The following NCOR2 variants were observed in gnomAD, a reference collection of about 807,000 sequenced individuals.
The protein encoded by NCOR2 is nuclear receptor corepressor 2.
NCOR2 carries 81 observed loss-of-function variants against 262.9 expected under a neutral mutation model. The ratio of observed to expected loss-of-function variants is 0.31; its 90% CI spans 0.26 to 0.37. The LOEUF (loss-of-function observed/expected upper bound fraction) is 0.37. NCOR2 is among the 10% of genes least tolerant of loss of function. The pLI is 1.00. For synonymous variants in NCOR2, 1,659 were observed against 1,559.3 expected, an observed-to-expected ratio of 1.06 and a Z score of -1.51; for missense variants, 3,385 against 3,621.4, an observed-to-expected ratio of 0.93 and a Z score of 1.68.
intron 13 of NCOR2, among the ~76,000 whole-genome samples, chr12:124,411,268 A>ACG (rs1425440557): frequency 6.6e-6 from 1 of 152,020 alleles, no homozygotes; most frequent in Admixed American, 6.6e-5. Context: ...GCGCGCATAC[A>ACG]CACACAGAGA....
rs191350957 is a variant in NCOR2 at position 124,504,157 on chromosome 12, G to A, written c.-117-8789C>T. 4.6e-5 allele frequency among the ~76,000 whole-genome samples: 7 copies of A among 152,352 alleles called. No individual in the cohort carries two copies. Among genetic ancestry groups the A allele is most frequent in the Non-Finnish European group, 8.8e-5 (6 of 68,042 alleles). Reference sequence around the variant, plus strand: ...ATCTTCCCCTTGAGCTGGGTTCGAGGAGAAAGGCCGAGAGGACTCCAGCCT... The same window carrying A: ...ATCTTCCCCTTGAGCTGGGTTCGAGAAGAAAGGCCGAGAGGACTCCAGCCT... On this transcript the variant is annotated intron_variant, in intron 1 of 46. Transcript: ENST00000404621. The surrounding 1 kb of genome is among the most constrained non-coding windows in gnomAD (Gnocchi z 4.5).
At chr12:124,501,720 T>A (rs983185891) in intron 1 of NCOR2, among the ~76,000 whole-genome samples, 1 of 152,196 alleles carries the variant, frequency 6.6e-6, no homozygotes, top group African/African-American at 2.4e-5. Flanking sequence ...ACTAATGTGA[T>A]CTGCAAAAAC....
Position 124,495,083 on chromosome 12 carries a change from A to T in NCOR2, c.105+64T>A. On this transcript the variant is annotated intron_variant, in intron 1 of 46. Transcript: ENST00000405201. The surrounding 1 kb of genome is among the most constrained non-coding windows in gnomAD (Gnocchi z 4.4). ...TCCCAGGAGAAAGGAAGGGGTGAAGACTCAGTGGAATGGAAGAAGGGTCTC... is the reference window on the plus strand; with the variant it reads ...TCCCAGGAGAAAGGAAGGGGTGAAGTCTCAGTGGAATGGAAGAAGGGTCTC... The T allele has an allele frequency of 5.7e-6, 9 of 1,575,478 alleles. No homozygotes were observed. Among genetic ancestry groups the T allele is most frequent in the Non-Finnish European group, 7.8e-6 (9 of 1,157,496 alleles).
intron 1 of NCOR2, among the ~76,000 whole-genome samples, chr12:124,550,872 C>T (rs1395123181): frequency 6.6e-6 from 1 of 152,202 alleles, no homozygotes. Context: ...CACCCAGGCA[C>T]CCAGAGGTGC....
intron 17 of NCOR2, chr12:124,383,574 G>C (rs2040570052): frequency 6.9e-6 from 2 of 290,992 alleles, no homozygotes; most frequent in African/African-American, 2.2e-5. Context: ...CCCTGAGAAG[G>C]GGGTAGATGG....
intron 1 of NCOR2, among the ~76,000 whole-genome samples, chr12:124,509,879 C>CA (rs950124341): frequency 6.6e-6 from 1 of 152,194 alleles, no homozygotes; most frequent in Non-Finnish European, 1.5e-5. Context: ...GGCCGCCCCC[C>CA]ACAGTAACCT....
chr12:124,490,484 A>G (rs920864373), intron 1 of NCOR2, among the ~76,000 whole-genome samples: 3 of 151,738 alleles, frequency 2.0e-5, no homozygotes, highest in African/African-American at 7.3e-5. Flanking sequence ...GGGAGCTCCC[A>G]ATGAATGAAT....
chr12:124,472,706 C>T (rs1477438848), intron 4 of NCOR2, among the ~76,000 whole-genome samples: 1 of 152,178 alleles, frequency 6.6e-6, no homozygotes, highest in Non-Finnish European at 1.5e-5. Flanking sequence ...AAATCAGTTC[C>T]TCAGTCGCAG....
intron 17 of NCOR2, among the ~76,000 whole-genome samples, chr12:124,379,251 G>A (rs540682545): frequency 2.0e-5 from 3 of 152,190 alleles, no homozygotes; most frequent in East Asian, 1.9e-4. Context: ...CACTTTCCCC[G>A]CACCGCACCC....
chr12:124,333,865 T>TGC (rs569749160), intron 41 of NCOR2, among the ~76,000 whole-genome samples: 1,765 of 143,238 alleles, frequency 0.012, 81 homozygotes, highest in African/African-American at 0.038. Flanking sequence ...CATGTGTGTG[T>TGC]GCGCATGTGT....
chr12:124,339,186 A>T (rs1166981440), intron 37 of NCOR2, among the ~76,000 whole-genome samples: 1 of 137,694 alleles, frequency 7.3e-6, no homozygotes, highest in Non-Finnish European at 1.5e-5. Flanking sequence ...CCTCTTACCC[A>T]CCCATCTACC....
At chr12:124,475,800 G>C (rs940599831) in intron 3 of NCOR2, among the ~76,000 whole-genome samples, 1 of 152,210 alleles carries the variant, frequency 6.6e-6, no homozygotes, top group African/African-American at 2.4e-5. Context: ...CTTGAAGGGG[G>C]AGGCTGCAGG....
intron 38 of NCOR2, 31 bp downstream of exon 40, chr12:124,336,722 A>T (rs771931768): frequency 1.9e-6 from 3 of 1,609,510 alleles, no homozygotes; most frequent in African/African-American, 1.3e-5. Context: ...AATCGCGTCT[A>T]TGAAGGTGGC....
intron 1 of NCOR2, among the ~76,000 whole-genome samples, chr12:124,532,001 T>C (rs2050816706): frequency 6.6e-6 from 1 of 151,320 alleles, no homozygotes; most frequent in Non-Finnish European, 1.5e-5. Flanking sequence ...CAGGGAAGAG[T>C]GTACCGCTGG....
chr12:124,324,497 T>A (rs2034497034), exon 47 of NCOR2: 1 of 152,244 alleles, frequency 6.6e-6, no homozygotes, highest in East Asian at 1.9e-4. Context: ...GGCCACAGAA[T>A]ACGCATCGAA....
At chr12:124,529,054 C>T (rs1051311360) in intron 1 of NCOR2, among the ~76,000 whole-genome samples, 2 of 151,946 alleles carry the variant, frequency 1.3e-5, no homozygotes, top group African/African-American at 2.4e-5. Context: ...TGGCGCATGC[C>T]TATAATCCCA....
intron 22 of NCOR2, among the ~76,000 whole-genome samples, chr12:124,358,110 C>CAT (rs2038143521): frequency 1.1e-5 from 1 of 87,954 alleles, no homozygotes; most frequent in African/African-American, 4.2e-5. Flanking sequence ...CGCGCACGTG[C>CAT]GTGCGTGTGA....
chr12:124,354,099 G>A (rs2037746041), exon 27 of NCOR2: 2 of 1,609,026 alleles, frequency 1.2e-6, no homozygotes, highest in Non-Finnish European at 1.7e-6. Context: ...CTACGTGGGT[G>A]ATGGAGCCGC....
intron 27 of NCOR2, among the ~76,000 whole-genome samples, chr12:124,352,414 C>T (rs1296728592): frequency 1.4e-5 from 2 of 140,866 alleles, no homozygotes; most frequent in Non-Finnish European, 3.1e-5. Context: ...TGCTGTATTG[C>T]CCAGGCTGGA....
Sources: gnomAD v4.1 joint callset for allele counts (sites outside exome capture counted in the v4.1 genomes callset) on GRCh38, gnomAD v4.1.1 for gene constraint, Gnocchi (gnomAD v3.1) non-coding constraint, MANE v1.5 for transcripts, NCBI Gene and HGNC (gene_info 2026-07-23, HGNC 2026-07-21) for gene names.